Variants in ADORA2B observed in about 807,000 individuals in gnomAD.
The protein encoded by ADORA2B is adenosine receptor A2b.
In ADORA2B, 18 loss-of-function variants were observed where a neutral mutation model predicts 20.8. The ratio of observed to expected loss-of-function variants is 0.87; its 90% confidence interval spans 0.60 to 1.29. ADORA2B has a LOEUF of 1.29. Ranked by LOEUF, ADORA2B falls within the 50% of genes most tolerant of loss-of-function variation. The pLI is 0.00. For missense variants in ADORA2B, 441 were observed against 422.7 expected (o/e 1.04, Z -0.38); for synonymous variants, 179 against 178.3 (o/e 1.00, Z -0.03).
At chr17:15,917,567 G>T in the ADORA2B span, among the ~76,000 whole-genome samples, 3 of 152,224 alleles carry the variant, frequency 2.0e-5, no homozygotes, top group African/African-American at 4.8e-5. Context: ...GCCCCCGCAG[G>T]CACTGGAGGG....
the ADORA2B span, among the ~76,000 whole-genome samples, chr17:15,936,650 G>A: frequency 6.6e-6 from 1 of 152,156 alleles, no homozygotes; most frequent in Non-Finnish European, 1.5e-5. Context: ...GTTTAAAATA[G>A]CTGATTTAAA....
At chr17:15,966,836 C>G (rs1376919245) in intron 1 of ADORA2B, among the ~76,000 whole-genome samples, 1 of 152,232 alleles carries the variant, frequency 6.6e-6, no homozygotes, top group Non-Finnish European at 1.5e-5. Context: ...GTTCACTTTT[C>G]AGTCGCCTGT....
chr17:15,975,606 T>C lies in ADORA2B; in HGVS notation c.*264T>C, dbSNP rs1597433792. 1 of 408,774 alleles carries C rather than the reference T, an allele frequency of 2.4e-6. No homozygotes were observed. The highest frequency in any genetic ancestry group is 4.1e-5 in the East Asian group (1 of 24,678). The allele number at this position is 408,774 out of a possible 1,614,324, so 25.3% of individuals were successfully genotyped here. A position where few individuals can be genotyped will look rare whatever the true frequency, so the allele number is the denominator to read the frequency against. Reference sequence around the variant, plus strand: ...GCTTGAATGGATTCTAACAGACTCTTTTGTTTTTAAAAGTCTGCCTTGTTT... The same window carrying C: ...GCTTGAATGGATTCTAACAGACTCTCTTGTTTTTAAAAGTCTGCCTTGTTT... On this transcript the variant is annotated 3_prime_UTR_variant, in exon 2 of 2. Transcript: ENST00000304222.
chr17:15,880,731 C>T, the ADORA2B span, among the ~76,000 whole-genome samples: 2 of 152,178 alleles, frequency 1.3e-5, no homozygotes, highest in African/African-American at 4.8e-5. Flanking sequence ...GTCACCAGCA[C>T]GCATGGGATC....
At chr17:15,871,723 T>C in the ADORA2B span, among the ~76,000 whole-genome samples, 1 of 152,152 alleles carries the variant, frequency 6.6e-6, no homozygotes, top group Non-Finnish European at 1.5e-5. Flanking sequence ...CATTAATTAA[T>C]TAATTAATTC....
the ADORA2B span, among the ~76,000 whole-genome samples, chr17:15,866,748 G>GCTGCCTCTGCCGCTGCCA: frequency 1.4e-5 from 2 of 139,268 alleles, no homozygotes; most frequent in Admixed American, 1.4e-4. Flanking sequence ...TGCCTCTGCC[G>GCTGCCTCTGCCGCTGCCA]CTGCCTCTCT....
chr17:15,926,184 T>C, the ADORA2B span, among the ~76,000 whole-genome samples: 2 of 152,094 alleles, frequency 1.3e-5, no homozygotes, highest in African/African-American at 4.8e-5. Flanking sequence ...CTGCAGATGC[T>C]CTACAGGCTC....
chr17:15,927,375 C>T, the ADORA2B span, among the ~76,000 whole-genome samples: 7 of 152,122 alleles, frequency 4.6e-5, no homozygotes, highest in African/African-American at 1.7e-4. Flanking sequence ...CCCAGCTACT[C>T]AGGAGGCTGA....
the ADORA2B span, among the ~76,000 whole-genome samples, chr17:15,901,083 A>AGT: frequency 6.6e-6 from 1 of 152,082 alleles, no homozygotes. Context: ...TGGGTGCTGC[A>AGT]GGCTCCCTCT....
At chr17:15,858,379 G>A in the ADORA2B span, among the ~76,000 whole-genome samples, 1 of 152,076 alleles carries the variant, frequency 6.6e-6, no homozygotes, top group Non-Finnish European at 1.5e-5. Flanking sequence ...TCATATACTT[G>A]TTGGCCATTC....
At chr17:15,968,063 T>C (rs1281699373) in intron 1 of ADORA2B, among the ~76,000 whole-genome samples, 4 of 152,198 alleles carry the variant, frequency 2.6e-5, no homozygotes, top group African/African-American at 9.6e-5. Flanking sequence ...AGAGAATTTC[T>C]TTATGGACAG....
At chr17:15,881,911 C>T in the ADORA2B span, among the ~76,000 whole-genome samples, 5 of 152,294 alleles carry the variant, frequency 3.3e-5, no homozygotes, top group East Asian at 7.7e-4. Context: ...CTGTAGCCAG[C>T]GGAGTTAGAC....
At chr17:15,896,794 A>C in the ADORA2B span, among the ~76,000 whole-genome samples, 1 of 152,332 alleles carries the variant, frequency 6.6e-6, no homozygotes, top group East Asian at 1.9e-4. Context: ...CAGGAAGAAG[A>C]AGAAGAGATA....
chr17:15,892,011 G>A, the ADORA2B span, among the ~76,000 whole-genome samples: 3 of 141,752 alleles, frequency 2.1e-5, no homozygotes, highest in Admixed American at 7.2e-5. Flanking sequence ...ACCATGCCCA[G>A]CTAATTTTTT....
chr17:15,939,217 T>A, the ADORA2B span, among the ~76,000 whole-genome samples: 2 of 152,166 alleles, frequency 1.3e-5, no homozygotes, highest in African/African-American at 4.8e-5. Flanking sequence ...TTTTTTTGTA[T>A]TTTTAGTAGA....
At chr17:15,914,140 A>G in the ADORA2B span, among the ~76,000 whole-genome samples, 1 of 152,204 alleles carries the variant, frequency 6.6e-6, no homozygotes, top group Non-Finnish European at 1.5e-5. Flanking sequence ...GGCATTTCAA[A>G]CACACATTTT....
rs562325749 is a variant in ADORA2B at position 15,965,042 on chromosome 17, G to A, written c.336-9637G>A. ...GCCACTGCGCTCCAGCCTGGGCGAC[G>A]GAGCTAGACTCTGTCTCAAAAACAA... On this transcript the variant is annotated intron_variant, in intron 1 of 1. Transcript: ENST00000304222. Among the ~76,000 whole-genome samples the A allele has an allele frequency of 8.1e-3, 1,227 of 150,648 alleles. 14 individuals are homozygous for A. The highest frequency in any genetic ancestry group is 0.025 in the African/African-American group (1,024 of 40,774).
At chr17:15,910,513 C>T in the ADORA2B span, among the ~76,000 whole-genome samples, 1 of 152,024 alleles carries the variant, frequency 6.6e-6, no homozygotes, top group African/African-American at 2.4e-5. Context: ...TAGCCAGGCT[C>T]GTCTCAAACT....
At chr17:15,867,372 A>T in the ADORA2B span, among the ~76,000 whole-genome samples, 1 of 150,008 alleles carries the variant, frequency 6.7e-6, no homozygotes, top group Non-Finnish European at 1.5e-5. Flanking sequence ...ATCGTCTGAG[A>T]TGTGGGGAGC....
Sources: allele counts gnomAD v4.1 joint callset (sites outside exome capture counted in the v4.1 genomes callset), GRCh38; gene constraint gnomAD v4.1.1; transcripts MANE v1.5; gene names NCBI Gene and HGNC (gene_info 2026-07-23, HGNC 2026-07-21).